Variants in EYA2 observed in about 807,000 individuals in gnomAD.
The protein encoded by EYA2 is protein phosphatase EYA2.
In EYA2, 31 loss-of-function variants were observed where a neutral mutation model predicts 69.2. The observed-to-expected ratio is 0.45, with a 90% confidence interval of 0.34 to 0.60. The LOEUF is 0.60. EYA2 is among the 20% of genes least tolerant of loss of function. The pLI is 0.02. For synonymous variants in EYA2, 257 were observed against 279.4 expected (o/e 0.92, Z 0.80); for missense variants, 622 against 701.2 (o/e 0.89, Z 1.28).
At chr20:46,975,000 A>G (rs1019214518) in intron 1 of EYA2, among the ~76,000 whole-genome samples, 1 of 152,000 alleles carries the variant, frequency 6.6e-6, no homozygotes, top group African/African-American at 2.4e-5. Context: ...AAGAGGTTGC[A>G]TACTGCGTGA....
intron 1 of EYA2, among the ~76,000 whole-genome samples, chr20:46,916,770 C>T (rs1025746696): frequency 8.5e-5 from 13 of 152,192 alleles, no homozygotes; most frequent in African/African-American, 2.9e-4. Context: ...TCACTTTCTT[C>T]CCAGAGCAGA....
chr20:47,130,369 A>G (rs1798474210), intron 9 of EYA2, among the ~76,000 whole-genome samples: 1 of 132,302 alleles, frequency 7.6e-6, no homozygotes, highest in Non-Finnish European at 1.5e-5. Context: ...GGTTCACGCC[A>G]TTCTCCTGCC....
rs556911927 is a variant in EYA2, at chr20:47,168,983, C to A, written c.979-156C>A. On this transcript the variant is annotated intron_variant, in intron 10 of 15. Coordinates refer to ENST00000327619, the MANE Select transcript of EYA2 (RefSeq NM_005244.5). ...TGAGATTGAACCCAAGGACCTCTAA[C>A]CTTGAGTATCCAAATCCAGACTAGA... is the stretch of plus-strand genomic sequence containing the variant. 8.5e-4 allele frequency among the ~76,000 whole-genome samples: 129 copies of A among 152,272 alleles called. 1 individual carries two copies. The highest frequency in any genetic ancestry group is 8.3e-3 in the Admixed American group (127 of 15,294).
Position 47,188,450 on chromosome 20 carries a change from GA to G in EYA2, c.*318del, listed in dbSNP as rs1349142236. ...GGGGGGTGCCTGGTGATGAGGAGGG[GA>G]TGGGTTTGTCTTGTCTTCTTTTTAA... On this transcript the variant is annotated 3_prime_UTR_variant, in exon 16 of 16. Coordinates refer to ENST00000327619, the MANE Select transcript of EYA2 (RefSeq NM_005244.5). 9.0e-6 allele frequency: 5 copies of G among 558,472 alleles called. No individual in the cohort carries two copies. In the African/African-American group the frequency reaches 9.3e-5, roughly 10 times the overall value. 34.6% of individuals were successfully genotyped at this position (558,472 alleles called of 1,614,324 possible). A position where few individuals can be genotyped will look rare whatever the true frequency, so the allele number is the denominator to read the frequency against.
At chr20:47,111,669 A>T (rs1053695844) in intron 9 of EYA2, among the ~76,000 whole-genome samples, 1 of 152,216 alleles carries the variant, frequency 6.6e-6, no homozygotes, top group African/African-American at 2.4e-5. Flanking sequence ...CTTAGAAACG[A>T]GCCCAGATCA....
chr20:47,074,258 C>T lies in EYA2; in HGVS notation c.584C>T (p.Ser195Leu), dbSNP rs371083777. ...GTCCCGGCCAGCAGCATCTGCCCTT[C>T]GCCCCTCTCCACGTCCACCTACGTC... ...PYVPASSICP[S>L]PLSTSTYVLQ... Residue 195 changes from serine to leucine, a missense_variant, in exon 7 of 16, where the codon TCG becomes TTG. This residue lies in a region of EYA2 where 365 missense variants were observed against 349.7 expected (regional missense o/e 1.04). Coordinates refer to ENST00000327619, the MANE Select transcript of EYA2 (RefSeq NM_005244.5). 2.8e-5 allele frequency: 45 copies of T among 1,614,032 alleles called. No homozygotes were observed. Among genetic ancestry groups the T allele is most frequent in the African/African-American group, 8.0e-5 (6 of 74,914 alleles).
chr20:47,087,928 G>A (rs2031947240), intron 7 of EYA2, among the ~76,000 whole-genome samples: 1 of 152,234 alleles, frequency 6.6e-6, no homozygotes, highest in Non-Finnish European at 1.5e-5. Context: ...TAAAAGGCTT[G>A]CATTTAATAG....
chr20:47,083,590 A>AAC (rs1343841506), intron 7 of EYA2, among the ~76,000 whole-genome samples: 1 of 151,552 alleles, frequency 6.6e-6, no homozygotes, highest in Non-Finnish European at 1.5e-5. Context: ...AAAAAAAAAA[A>AAC]AAAATCGTGG....
At chr20:47,165,724 C>T (rs576028375) in intron 10 of EYA2, among the ~76,000 whole-genome samples, 1 of 152,302 alleles carries the variant, frequency 6.6e-6, no homozygotes, top group South Asian at 2.1e-4. Context: ...CATCAAAACC[C>T]TTTCTAATCT....
At chr20:47,018,574 T>A (rs1983550608) in intron 5 of EYA2, among the ~76,000 whole-genome samples, 1 of 152,166 alleles carries the variant, frequency 6.6e-6, no homozygotes, top group Non-Finnish European at 1.5e-5. Context: ...GAAAGGAGGC[T>A]GCCACAGGAG....
intron 10 of EYA2, among the ~76,000 whole-genome samples, chr20:47,145,294 T>C (rs2033677011): frequency 6.6e-6 from 1 of 151,872 alleles, no homozygotes; most frequent in East Asian, 1.9e-4. Context: ...AACCAAAGGA[T>C]GACAAGCACC....
intron 9 of EYA2, among the ~76,000 whole-genome samples, chr20:47,127,374 C>T (rs148805525): frequency 0.02 from 3,015 of 152,108 alleles, 98 homozygotes; most frequent in African/African-American, 0.069. Flanking sequence ...AAGGCCGAGG[C>T]GAGAGGATCA....
rs79513138 is a variant in EYA2, at chr20:47,117,996, G to A, written c.888+20828G>A. 4.1e-3 allele frequency among the ~76,000 whole-genome samples: 619 copies of A among 152,346 alleles called. 8 individuals are homozygous for A. The highest frequency in any genetic ancestry group is 0.014 in the African/African-American group (597 of 41,582). On this transcript the variant is annotated intron_variant, in intron 9 of 15. Coordinates refer to ENST00000327619, the MANE Select transcript of EYA2 (RefSeq NM_005244.5). ...GTCATGTGAGGCGAGCACCTTGGAA[G>A]TTTAAAGGCCTGGCCAGACCCTTGC...
chr20:47,173,824 CA>C (rs1368542833), intron 12 of EYA2, among the ~76,000 whole-genome samples: 1 of 152,146 alleles, frequency 6.6e-6, no homozygotes, highest in Non-Finnish European at 1.5e-5. Flanking sequence ...TCATTGGAAC[CA>C]CCCAGGGAGT....
intron 9 of EYA2, among the ~76,000 whole-genome samples, chr20:47,104,212 A>C (rs1252667154): frequency 6.6e-6 from 1 of 152,074 alleles, no homozygotes; most frequent in Non-Finnish European, 1.5e-5. Context: ...TGATGTTTTT[A>C]TGTGCTTATT....
chr20:47,183,421 T>C (rs2034576575), intron 15 of EYA2, 30 bp downstream of exon 15: 1 of 1,605,626 alleles, frequency 6.2e-7, no homozygotes, highest in Non-Finnish European at 8.5e-7. Context: ...GACTGCGTTT[T>C]CCTGCTCTTT....
At chr20:47,074,443 C>T in intron 7 of EYA2, 108 bp downstream of exon 7, 1 of 1,209,600 alleles carries the variant, frequency 8.3e-7, no homozygotes, top group Non-Finnish European at 1.2e-6. Flanking sequence ...ACCCAAGGGT[C>T]ATTCATGGAT....
chr20:47,101,176 C>T (rs971287930), intron 9 of EYA2, among the ~76,000 whole-genome samples: 2 of 152,306 alleles, frequency 1.3e-5, no homozygotes, highest in Non-Finnish European at 2.9e-5. Flanking sequence ...ACCTCAAACT[C>T]CTCACTCAAG....
At chr20:46,987,916 GTCTCTCTCTCTCTCTCTCTCTCTCTC>G (rs1555809755) in intron 1 of EYA2, among the ~76,000 whole-genome samples, 1 of 20,352 alleles carries the variant, frequency 4.9e-5, no homozygotes, top group Non-Finnish European at 9.6e-5. Flanking sequence ...GACAGAGTAA[GTCTCTCTCTCTCTCTCTCTCTCTCTC>G]TCTCTCTCTC....
Sources: allele counts gnomAD v4.1 joint callset (sites outside exome capture counted in the v4.1 genomes callset), GRCh38; gene constraint gnomAD v4.1.1; regional missense constraint gnomAD v4.1.1; transcripts MANE v1.5; gene names NCBI Gene and HGNC (gene_info 2026-07-23, HGNC 2026-07-21).